The following CYP4F22 variants were observed in gnomAD, a reference collection of about 807,000 sequenced individuals.
The protein encoded by CYP4F22 is cytochrome P450 family 4 subfamily F member 22, also known as ultra-long-chain fatty acid omega-hydroxylase.
A neutral mutation model predicts 60.4 loss-of-function variants in CYP4F22; 37 were observed. The ratio of observed to expected loss-of-function variants is 0.61; its 90% CI spans 0.47 to 0.81. CYP4F22 has a LOEUF of 0.81. Among genes scored for constraint, CYP4F22 ranks in the 30% least tolerant of loss-of-function variants. The probability of loss-of-function intolerance (pLI) is 0.00; values close to 1 mark genes in which losing one functional copy is unlikely to be tolerated. For missense variants in CYP4F22, 655 were observed against 715.0 expected (o/e 0.92, Z 0.96); for synonymous variants, 258 against 280.5 (o/e 0.92, Z 0.80).
At chr19:15,523,319 C>A (rs949150244) in intron 1 of CYP4F22, among the ~76,000 whole-genome samples, 25 of 152,070 alleles carry the variant, frequency 1.6e-4, no homozygotes, top group Admixed American at 1.2e-3. Context: ...GAGATCGCAC[C>A]AATGCACTTC....
intron 3 of CYP4F22, among the ~76,000 whole-genome samples, chr19:15,528,574 CT>C (rs1364912086): frequency 1.3e-5 from 2 of 152,128 alleles, no homozygotes; most frequent in Admixed American, 6.6e-5. Flanking sequence ...TGGTGGTCTT[CT>C]TCCCCTATCT....
At chr19:15,546,428 A>G (rs1262050869) in intron 10 of CYP4F22, among the ~76,000 whole-genome samples, 1 of 152,200 alleles carries the variant, frequency 6.6e-6, no homozygotes, top group Non-Finnish European at 1.5e-5. Context: ...TACTAAAAAT[A>G]CAAAAATTAG....
intron 8 of CYP4F22, 93 bp from the exon 9 acceptor site, chr19:15,543,876 AAG>A (rs1971491340): frequency 4.8e-6 from 6 of 1,251,242 alleles, no homozygotes; most frequent in East Asian, 2.5e-5. Flanking sequence ...AAAAAAAAAA[AAG>A]ATGGGGGCGG....
chr19:15,516,675 G>T, intron 1 of CYP4F22: 1 of 481,584 alleles, frequency 2.1e-6, no homozygotes, highest in South Asian at 2.0e-5. Context: ...ATCAGAGGCG[G>T]CTGAGAGGAG....
intron 2 of CYP4F22, among the ~76,000 whole-genome samples, chr19:15,524,332 G>A (rs1971256893): frequency 6.6e-6 from 1 of 152,184 alleles, no homozygotes; most frequent in South Asian, 2.1e-4. Flanking sequence ...ACAGGGATGG[G>A]GTTTTGTTTT....
intron 7 of CYP4F22, 98 bp from the exon 8 acceptor site, chr19:15,540,352 A>G (rs1971442760): frequency 7.0e-7 from 1 of 1,419,246 alleles, no homozygotes; most frequent in East Asian, 2.3e-5. Context: ...TCTCTTTGTT[A>G]TCTATTCAAT....
At chr19:15,510,683 A>G (rs766455263) in intron 1 of CYP4F22, among the ~76,000 whole-genome samples, 1 of 152,194 alleles carries the variant, frequency 6.6e-6, no homozygotes, top group Non-Finnish European at 1.5e-5. Context: ...TATTAGCAAA[A>G]GGTTTGAATA....
At position 15,537,675 on chromosome 19, in the gene CYP4F22, G is replaced by A. The variant is rs768585238; in HGVS notation, c.549+13G>A. ...TGACATTATGCATGTGAGTCCTAAG[G>A]CTTTGAGGGAAGAGGGTGTCTTGGG... On this transcript the variant is annotated intron_variant, in intron 6 of 13. Coordinates refer to ENST00000269703, the MANE Select transcript of CYP4F22 (RefSeq NM_173483.4). 6.2e-7 allele frequency: 1 copy of A among 1,610,990 alleles called. No homozygotes were observed. The highest frequency in any genetic ancestry group is 1.1e-5 in the South Asian group (1 of 91,080).
intron 1 of CYP4F22, among the ~76,000 whole-genome samples, chr19:15,509,954 G>C (rs200206888): frequency 1.1e-5 from 1 of 92,518 alleles, no homozygotes. Context: ...TCTTTTCTCT[G>C]TCTCTCTCTC....
At chr19:15,518,306 C>T (rs976461538) in intron 1 of CYP4F22, among the ~76,000 whole-genome samples, 3 of 151,932 alleles carry the variant, frequency 2.0e-5, no homozygotes, top group Admixed American at 1.3e-4. Context: ...CACTGCACTT[C>T]TGCCTGGGTG....
At chr19:15,550,289 A>T (rs1971579639) in intron 12 of CYP4F22, among the ~76,000 whole-genome samples, 1 of 145,618 alleles carries the variant, frequency 6.9e-6, no homozygotes, top group Non-Finnish European at 1.5e-5. Flanking sequence ...TGACTCTAAC[A>T]AACAAACAAA....
At chr19:15,550,220 C>T (rs912123564) in intron 12 of CYP4F22, among the ~76,000 whole-genome samples, 3 of 152,138 alleles carry the variant, frequency 2.0e-5, no homozygotes, top group African/African-American at 4.8e-5. Context: ...CGTGAGCCAC[C>T]GCGCCCAGCC....
At chr19:15,522,186 C>T (rs960634452) in intron 1 of CYP4F22, among the ~76,000 whole-genome samples, 4 of 149,940 alleles carry the variant, frequency 2.7e-5, no homozygotes, top group African/African-American at 9.8e-5. Context: ...ATATGGTTTT[C>T]CCCAGTGCAC....
At chr19:15,523,351 ACT>A (rs762644645) in intron 1 of CYP4F22, among the ~76,000 whole-genome samples, 5 of 151,964 alleles carry the variant, frequency 3.3e-5, no homozygotes, top group Non-Finnish European at 7.4e-5. Flanking sequence ...CAAGAGCAAG[ACT>A]CTGTCTCCAA....
At chr19:15,539,343 A>G (rs950863161) in intron 7 of CYP4F22, among the ~76,000 whole-genome samples, 2 of 152,336 alleles carry the variant, frequency 1.3e-5, no homozygotes, top group Admixed American at 6.5e-5. Flanking sequence ...TTAAAGGCTC[A>G]TCCATATTGT....
At chr19:15,548,897 CT>C (rs1971563184) in intron 11 of CYP4F22, among the ~76,000 whole-genome samples, 1 of 152,096 alleles carries the variant, frequency 6.6e-6, no homozygotes, top group African/African-American at 2.4e-5. Flanking sequence ...AATGTCAGAT[CT>C]GCGAGTAAGA....
chr19:15,546,039 A>C (rs534570355), intron 10 of CYP4F22, among the ~76,000 whole-genome samples: 9 of 152,262 alleles, frequency 5.9e-5, no homozygotes, highest in African/African-American at 2.2e-4. Context: ...CAGTGGCATA[A>C]TCATAGCTCA....
intron 3 of CYP4F22, among the ~76,000 whole-genome samples, chr19:15,526,662 G>A (rs1042955445): frequency 1.3e-5 from 2 of 152,058 alleles, no homozygotes; most frequent in Non-Finnish European, 2.9e-5. Flanking sequence ...AGCCTGTCAA[G>A]CTCTAGCCTC....
At chr19:15,533,282 T>C (rs987508407) in intron 4 of CYP4F22, among the ~76,000 whole-genome samples, 3 of 152,178 alleles carry the variant, frequency 2.0e-5, no homozygotes, top group Non-Finnish European at 4.4e-5. Flanking sequence ...TAATTAACCA[T>C]TTACAAGTGA....
Sources: gnomAD v4.1 joint callset for allele counts (sites outside exome capture counted in the v4.1 genomes callset) on GRCh38, gnomAD v4.1.1 for gene constraint, MANE v1.5 for transcripts, NCBI Gene and HGNC (gene_info 2026-07-23, HGNC 2026-07-21) for gene names.